The following BTN2A1 variants were observed in gnomAD, a reference collection of about 807,000 sequenced individuals.
The protein encoded by BTN2A1 is butyrophilin, subfamily 2, member A1.
BTN2A1 carries 41 observed loss-of-function variants against 34.5 expected under a neutral mutation model. The observed-to-expected ratio is 1.19, with a 90% confidence interval of 0.93 to 1.54. The LOEUF is 1.54. Ranked by LOEUF, BTN2A1 falls within the 40% of genes most tolerant of loss-of-function variation. The pLI is 0.00. For missense variants in BTN2A1, 642 were observed against 662.0 expected (o/e 0.97, Z 0.33); for synonymous variants, 267 against 258.6 (o/e 1.03, Z -0.31).
downstream of BTN2A1, among the ~76,000 whole-genome samples, chr6:26,474,002 A>T (rs947092237): frequency 1.1e-4 from 16 of 152,220 alleles, no homozygotes; most frequent in Admixed American, 1.0e-3. Flanking sequence ...AGTGTACAGC[A>T]CATGCTTTCT....
chr6:26,471,131 C>T (rs1471905665), downstream of BTN2A1, among the ~76,000 whole-genome samples: 1 of 152,152 alleles, frequency 6.6e-6, no homozygotes, highest in Non-Finnish European at 1.5e-5. Flanking sequence ...ACTGAAATTA[C>T]AAATGACACA....
rs143941468 is a variant in BTN2A1, at chr6:26,468,274, C to A, written c.1309C>A (p.Pro437Thr). 41 of 1,614,206 alleles carry A rather than the reference C, an allele frequency of 2.5e-5. No individual in the cohort carries two copies. In the African/African-American group the frequency reaches 4.7e-4, roughly 18 times the overall value. The change falls in exon 8 of 8, where the codon CCT (proline) becomes ACT (threonine). Residue 437 changes from proline to threonine, a missense_variant. Pro to Thr is a conservative substitution (Grantham distance 38, BLOSUM62 -1). Coordinates refer to ENST00000312541, the MANE Select transcript of BTN2A1 (RefSeq NM_007049.5). ...AGGGCAATACCGGGCCGTGTCCTCC[C>A]CTGATAGGATTCTCCCTTTGAAGGA... ...HKGQYRAVSS[P>T]DRILPLKESL...
downstream of BTN2A1, among the ~76,000 whole-genome samples, chr6:26,472,961 C>G (rs1763476843): frequency 6.6e-6 from 1 of 152,048 alleles, no homozygotes; most frequent in South Asian, 2.1e-4. Flanking sequence ...GTGAAGACAC[C>G]ACTCAAAGAT....
At chr6:26,463,107 T>C in intron 3 of BTN2A1, 137 bp from the exon 4 acceptor site, 1 of 1,146,836 alleles carries the variant, frequency 8.7e-7, no homozygotes, top group Middle Eastern at 2.7e-4. Context: ...TCATCCTTTT[T>C]TTCTTCCTTC....
rs3734543 is a variant in BTN2A1, at chr6:26,468,317, G to C, written c.1352G>C (p.Gly451Ala). Residue 451 changes from glycine (G) to alanine (A), a missense_variant, in exon 8 of 8, where the codon GGC becomes GCC. Coordinates refer to ENST00000312541, the MANE Select transcript of BTN2A1 (RefSeq NM_007049.5). ...TTGAAGGAGTCCCTTTGCCGGGTGG[G>C]CGTCTTCCTGGACTATGAAGCTGGA... ...LPLKESLCRV[G>A]VFLDYEAGDV... The C allele has an allele frequency of 0.091, 147,163 of 1,614,162 alleles. 8,043 individuals are homozygous for C. The highest frequency in any genetic ancestry group is 0.11 in the Non-Finnish European group (129,909 of 1,180,020).
At chr6:26,460,338 T>C (rs577006428) in intron 3 of BTN2A1, among the ~76,000 whole-genome samples, 127 of 152,324 alleles carry the variant, frequency 8.3e-4, no homozygotes, top group Middle Eastern at 3.4e-3. Flanking sequence ...ATCTTATTTC[T>C]TGATAAATAT....
At chr6:26,461,303 A>G (rs1366897778) in intron 3 of BTN2A1, among the ~76,000 whole-genome samples, 2 of 152,126 alleles carry the variant, frequency 1.3e-5, no homozygotes, top group African/African-American at 2.4e-5. Flanking sequence ...TTGTTTGTTC[A>G]TTGTATTCTC....
At chr6:26,467,621 A>G in intron 7 of BTN2A1, 1 of 1,313,790 alleles carries the variant, frequency 7.6e-7, no homozygotes, top group East Asian at 2.5e-5. Context: ...CAGAGATCAT[A>G]TGTCTTGGAT....
chr6:26,473,227 C>T (rs1198848739), downstream of BTN2A1, among the ~76,000 whole-genome samples: 1 of 152,058 alleles, frequency 6.6e-6, no homozygotes, highest in African/African-American at 2.4e-5. Flanking sequence ...TCACTAGGTC[C>T]CAAGGTTTGT....
At chr6:26,460,099 G>A (rs1273730955) in intron 3 of BTN2A1, among the ~76,000 whole-genome samples, 4 of 152,082 alleles carry the variant, frequency 2.6e-5, no homozygotes, top group Admixed American at 6.5e-5. Flanking sequence ...GGTCAGTCTC[G>A]GAAGAGAAGT....
At chr6:26,474,322 C>T (rs76283611), downstream of BTN2A1, among the ~76,000 whole-genome samples, 595 of 152,332 alleles carry the variant, frequency 3.9e-3, 9 homozygotes, top group Middle Eastern at 0.024. Flanking sequence ...ACCAATTAAG[C>T]TGTTTCTGTG....
chr6:26,465,925 G>T, intron 5 of BTN2A1, 28 bp from the exon 6 acceptor site: 1 of 1,614,068 alleles, frequency 6.2e-7, no homozygotes, highest in Non-Finnish European at 8.5e-7. Flanking sequence ...TTCTGTCAAA[G>T]ACATGATTTT....
At chr6:26,471,543 C>A (rs985448271), downstream of BTN2A1, among the ~76,000 whole-genome samples, 1 of 152,154 alleles carries the variant, frequency 6.6e-6, no homozygotes, top group Non-Finnish European at 1.5e-5. Context: ...GCCTGGCCAA[C>A]ATGGTAAAAC....
intron 7 of BTN2A1, among the ~76,000 whole-genome samples, chr6:26,475,754 A>ATAAAATAAAATTAAAATAAAAT (rs1763527108): frequency 6.6e-6 from 1 of 152,160 alleles, no homozygotes; most frequent in Non-Finnish European, 1.5e-5. Context: ...AAAAATTAAA[A>ATAAAATAAAATTAAAATAAAAT]TAAAATAAAA....
rs765902205 is a variant in BTN2A1, at chr6:26,459,771, T to A, written c.373T>A (p.Cys125Ser). Residue 125 changes from cysteine to serine, a missense_variant, in exon 3 of 8, where the codon TGT becomes AGT. Coordinates refer to ENST00000312541, the MANE Select transcript of BTN2A1 (RefSeq NM_007049.5). ...ITAQENGTYR[C>S]YFQEGRSYDE... Reference sequence around the variant, plus strand: ...AGCCCAGGAAAACGGCACCTACCGCTGTTACTTCCAAGAAGGCAGGTCCTA... The same window carrying A: ...AGCCCAGGAAAACGGCACCTACCGCAGTTACTTCCAAGAAGGCAGGTCCTA... 1.2e-5 allele frequency: 20 copies of A among 1,614,142 alleles called. No individual in the cohort carries two copies. Among genetic ancestry groups the A allele is most frequent in the Non-Finnish European group, 1.6e-5 (19 of 1,179,986 alleles).
rs1763376976 is a variant in BTN2A1 at position 26,468,286 on chromosome 6, C to A, written c.1321C>A (p.Leu441Ile). Residue 441 changes from leucine to isoleucine, a missense_variant, in exon 8 of 8, where the codon CTC (leucine) becomes ATC (isoleucine). By Grantham distance (5) the Leu-to-Ile change is conservative (BLOSUM62 2). Coordinates refer to ENST00000312541, the MANE Select transcript of BTN2A1 (RefSeq NM_007049.5). ...YRAVSSPDRILPLKESLCRVG... is the reference protein window; with the variant it reads ...YRAVSSPDRIIPLKESLCRVG... ...GGCCGTGTCCTCCCCTGATAGGATT[C>A]TCCCTTTGAAGGAGTCCCTTTGCCG... The A allele has an allele frequency of 1.2e-6, 2 of 1,614,220 alleles. No homozygotes were observed. The highest frequency in any genetic ancestry group is 1.7e-6 in the Non-Finnish European group (2 of 1,180,050).
Position 26,468,317 on chromosome 6 carries a change from G to A in BTN2A1, c.1352G>A (p.Gly451Asp). The A allele has an allele frequency of 6.2e-7, 1 of 1,614,162 alleles. No homozygotes were observed. The highest frequency in any genetic ancestry group is 8.5e-7 in the Non-Finnish European group (1 of 1,180,020). Reference protein sequence around the residue: ...LPLKESLCRVGVFLDYEAGDV... With the variant: ...LPLKESLCRVDVFLDYEAGDV... ...TTGAAGGAGTCCCTTTGCCGGGTGG[G>A]CGTCTTCCTGGACTATGAAGCTGGA... Residue 451 changes from glycine to aspartate, a missense_variant, in exon 8 of 8, where the codon GGC (glycine) becomes GAC (aspartate). Gly to Asp is a moderately conservative substitution (Grantham distance 94). Transcript: ENST00000312541.
At position 26,468,406 on chromosome 6, in the gene BTN2A1, T is replaced by A. The variant is rs751741582; in HGVS notation, c.1441T>A (p.Ser481Thr). Residue 481 changes from serine (S) to threonine (T), a missense_variant, in exon 8 of 8, where the codon TCC (serine) becomes ACC (threonine). Ser to Thr is a moderately conservative substitution (Grantham distance 58). Transcript: ENST00000312541. The stretch of plus-strand genomic sequence containing the variant: ...CTACACATGTCCCCGTTCAGCCTTT[T>A]CCGTGCCTGTGAGGCCCTTCTTCAG... ...HIYTCPRSAF[S>T]VPVRPFFRLG... is the part of the protein sequence containing the mutation. 3.1e-6 allele frequency: 5 copies of A among 1,614,078 alleles called. No individual in the cohort carries two copies. The highest frequency in any genetic ancestry group is 1.7e-6 in the Non-Finnish European group (2 of 1,180,038).
chr6:26,467,704 T>C (rs895139248), intron 7 of BTN2A1: 79 of 1,584,836 alleles, frequency 5.0e-5, no homozygotes, highest in Non-Finnish European at 6.7e-5. Flanking sequence ...TTGCTAAACT[T>C]TCCGGATTTC....
Sources: allele counts gnomAD v4.1 joint callset (sites outside exome capture counted in the v4.1 genomes callset), GRCh38; gene constraint gnomAD v4.1.1; transcripts MANE v1.5; gene names NCBI Gene and HGNC (gene_info 2026-07-23, HGNC 2026-07-21).